PDE6A: variants seen among roughly 807,000 people sequenced by gnomAD.
The protein encoded by PDE6A is phosphodiesterase 6A.
Under a neutral mutation model 106.3 loss-of-function variants are expected in PDE6A, and 84 were observed. The ratio of observed to expected loss-of-function variants is 0.79; its 90% CI spans 0.66 to 0.95. The LOEUF is 0.95. Ranked by LOEUF, PDE6A falls within the 40% of genes least tolerant of loss-of-function variation. The pLI, the probability that PDE6A is intolerant of heterozygous loss-of-function variation, is 0.00. For missense variants in PDE6A, 1,052 were observed against 1,084.9 expected (o/e 0.97, Z 0.43); for synonymous variants, 394 against 386.6 (o/e 1.02, Z -0.23).
At chr5:149,936,158 A>AAGGAAGG (rs1554092688) in intron 1 of PDE6A, among the ~76,000 whole-genome samples, 2 of 130,636 alleles carry the variant, frequency 1.5e-5, no homozygotes, top group African/African-American at 6.4e-5. Context: ...TGTCTCTAAA[A>AAGGAAGG]AAGGAAGGAA....
At chr5:149,908,349 G>A (rs1753269121) in intron 6 of PDE6A, among the ~76,000 whole-genome samples, 1 of 152,170 alleles carries the variant, frequency 6.6e-6, no homozygotes, top group Non-Finnish European at 1.5e-5. Context: ...GAAGTACTAA[G>A]TCATAAGATA....
chr5:149,925,424 G>A (rs1753840286), intron 4 of PDE6A, among the ~76,000 whole-genome samples: 1 of 152,160 alleles, frequency 6.6e-6, no homozygotes, highest in African/African-American at 2.4e-5. Flanking sequence ...TGAAGAGAGA[G>A]TTAGCCAGGC....
intron 17 of PDE6A, among the ~76,000 whole-genome samples, chr5:149,881,222 T>C (rs1028680258): frequency 1.3e-5 from 2 of 152,188 alleles, no homozygotes; most frequent in African/African-American, 4.8e-5. Context: ...AGAATTACCA[T>C]TCGACCCAAC....
chr5:149,864,753 C>G (rs1417494716), intron 20 of PDE6A, among the ~76,000 whole-genome samples: 4 of 152,206 alleles, frequency 2.6e-5, no homozygotes, highest in Admixed American at 2.6e-4. Context: ...CCAGAGCCGA[C>G]TGTGTTCAGA....
At chr5:149,879,771 C>G (rs538645071) in intron 17 of PDE6A, among the ~76,000 whole-genome samples, 1 of 152,160 alleles carries the variant, frequency 6.6e-6, no homozygotes, top group South Asian at 2.1e-4. Context: ...TTTTTTATGG[C>G]TGCATAGTAT....
At chr5:149,942,907 G>C (rs1265592781) in intron 1 of PDE6A, among the ~76,000 whole-genome samples, 1 of 151,890 alleles carries the variant, frequency 6.6e-6, no homozygotes, top group Non-Finnish European at 1.5e-5. Context: ...TCCTATCTCA[G>C]TAAATAGAAC....
intron 4 of PDE6A, among the ~76,000 whole-genome samples, chr5:149,927,949 T>C (rs1753908428): frequency 6.6e-6 from 1 of 151,588 alleles, no homozygotes; most frequent in African/African-American, 2.4e-5. Context: ...CCACACTTTG[T>C]CCCCCTGGAA....
At chr5:149,906,912 C>A (rs533541988) in intron 7 of PDE6A, among the ~76,000 whole-genome samples, 1 of 152,102 alleles carries the variant, frequency 6.6e-6, no homozygotes, top group Admixed American at 6.5e-5. Flanking sequence ...GCTGGGATTA[C>A]AGGCGCCTGC....
At chr5:149,872,043 T>C (rs759138641) in intron 17 of PDE6A, among the ~76,000 whole-genome samples, 1 of 152,104 alleles carries the variant, frequency 6.6e-6, no homozygotes, top group African/African-American at 2.4e-5. Context: ...TATTGTATGC[T>C]CAGAAATGTG....
Position 149,896,376 on chromosome 5 carries a change from T to A in PDE6A, c.1600A>T (p.Lys534Ter). 1 of 1,614,042 alleles carries A rather than the reference T, an allele frequency of 6.2e-7. No homozygotes were observed. The change falls in exon 12 of 22, where the codon AAA becomes TAA. Residue 534 changes from lysine (K) to a stop codon, truncating the protein, a stop_gained. Transcript: ENST00000255266. LOFTEE classifies it high-confidence loss of function. ...CTCACCTCTTGTGGAATGTGAAATT[T>A]ATCCACCACTTTGAGCTCATAATAC... is the stretch of plus-strand genomic sequence containing the variant. ...QMYYELKVVD[K>*]FHIPQEALVR... is the part of the protein sequence containing the mutation.
chr5:149,933,960 G>A lies in PDE6A; in HGVS notation c.687C>T (p.Tyr229=), dbSNP rs1754116590. The A allele has an allele frequency of 6.2e-7, 1 of 1,613,774 alleles. No homozygotes were observed. Among genetic ancestry groups the A allele is most frequent in the African/African-American group, 1.3e-5 (1 of 74,932 alleles). The change falls in exon 3 of 22, where the codon TAC becomes TAT. Residue 229 remains tyrosine (Y), a synonymous_variant. Transcript: ENST00000255266. ...NLIMKVYHLS[Y]LHNCETRRGQ... is the part of the protein sequence containing the mutation. ...CACGTCGAGTTTCACAGTTGTGCAG[G>A]TAACTCAGGTGGTACACCTTCATGA...
At chr5:149,941,810 GACA>G (rs1754334802) in intron 1 of PDE6A, among the ~76,000 whole-genome samples, 1 of 152,236 alleles carries the variant, frequency 6.6e-6, no homozygotes, top group South Asian at 2.1e-4. Context: ...CGGTGTCTGA[GACA>G]ACTGACAGAA....
In PDE6A at chr5:149,944,407, C is replaced by G; in HGVS notation, c.267G>C (p.Leu89=). 6.2e-7 allele frequency: 1 copy of G among 1,614,102 alleles called. No individual in the cohort carries two copies. Among genetic ancestry groups the G allele is most frequent in the African/African-American group, 1.3e-5 (1 of 75,030 alleles). The change falls in exon 1 of 22, where the codon CTG becomes CTC. Residue 89 remains leucine (L), a synonymous_variant. Transcript: ENST00000255266. The part of the protein sequence containing the change: ...FNVMKKLCFL[L]QADRMSLFMY... ...TGAACAGGCTCATGCGGTCTGCCTG[C>G]AGGAGGAAGCACAGCTTCTTCATGA...
At position 149,913,068 on chromosome 5, in the gene PDE6A, G is replaced by A. The variant is rs533319967; in HGVS notation, c.998+1875C>T. On this transcript the variant is annotated intron_variant, in intron 6 of 21. Transcript: ENST00000255266. ...TTTTGATAAGGTAGAAAAAAAAAGAGAGATGAACTTTAGAAGATAATAAGG... is the reference window on the plus strand; with the variant it reads ...TTTTGATAAGGTAGAAAAAAAAAGAAAGATGAACTTTAGAAGATAATAAGG... Among the ~76,000 whole-genome samples, 25 of 152,234 alleles carry A rather than the reference G, an allele frequency of 1.6e-4. No individual in the cohort carries two copies. The South Asian group carries it at 5.2e-3, about 32-fold the overall frequency.
At chr5:149,910,440 C>T (rs1246415667) in intron 6 of PDE6A, among the ~76,000 whole-genome samples, 1 of 152,170 alleles carries the variant, frequency 6.6e-6, no homozygotes, top group Non-Finnish European at 1.5e-5. Context: ...ATGCTTATCA[C>T]TTGTAATTTT....
intron 13 of PDE6A, among the ~76,000 whole-genome samples, chr5:149,889,886 G>A (rs1215532672): frequency 1.5e-5 from 2 of 137,756 alleles, no homozygotes; most frequent in East Asian, 4.4e-4. Context: ...CAGCCTGGGT[G>A]ACAGAACAAG....
chr5:149,944,718 G>A lies in PDE6A; in HGVS notation c.-45C>T. ...TACTCTGTAGAAGGACTGGGACGGA[G>A]GCCTTCCAATGGCAGTTTTGCAGTC... On this transcript the variant is annotated 5_prime_UTR_variant, in exon 1 of 22. Transcript: ENST00000255266. 6.6e-7 allele frequency: 1 copy of A among 1,516,928 alleles called. No individual in the cohort carries two copies. Among genetic ancestry groups the A allele is most frequent in the Non-Finnish European group, 9.0e-7 (1 of 1,114,618 alleles). 94.0% of individuals were successfully genotyped at this position (1,516,928 alleles called of 1,614,324 possible).
At chr5:149,935,809 G>A (rs17655341) in intron 1 of PDE6A, among the ~76,000 whole-genome samples, 6,365 of 152,298 alleles carry the variant, frequency 0.042, 178 homozygotes, top group South Asian at 0.078. Flanking sequence ...AGCTCACGCC[G>A]TTCTGAGTGG....
intron 17 of PDE6A, among the ~76,000 whole-genome samples, chr5:149,874,283 TCCCCAAGTTA>T (rs1000138345): frequency 1.3e-5 from 2 of 152,162 alleles, no homozygotes; most frequent in African/African-American, 4.8e-5. Context: ...ATGTATGGGG[TCCCCAAGTTA>T]CCTACCCTTC....
Sources: allele counts gnomAD v4.1 joint callset (sites outside exome capture counted in the v4.1 genomes callset), GRCh38; gene constraint gnomAD v4.1.1; transcripts MANE v1.5; gene names NCBI Gene and HGNC (gene_info 2026-07-23, HGNC 2026-07-21).